The following OPCML variants were observed in gnomAD, a reference collection of about 807,000 sequenced individuals.
OPCML encodes opioid binding protein/cell adhesion molecule like.
A neutral mutation model predicts 37.8 loss-of-function variants in OPCML; 13 were observed. That is an observed-to-expected ratio of 0.34 (90% CI 0.22 to 0.55). The LOEUF (loss-of-function observed/expected upper bound fraction) is 0.55. OPCML is among the 20% of genes least tolerant of loss of function. The probability of loss-of-function intolerance (pLI) is 0.91; values close to 1 mark genes in which losing one functional copy is unlikely to be tolerated. For missense variants in OPCML, 341 were observed against 435.6 expected, an observed-to-expected ratio of 0.78 and a Z score of 1.93; for synonymous variants, 176 against 168.8, an observed-to-expected ratio of 1.04 and a Z score of -0.33.
At chr11:133,252,718 CT>C (rs948769806) in intron 1 of OPCML, among the ~76,000 whole-genome samples, 1 of 151,998 alleles carries the variant, frequency 6.6e-6, no homozygotes, top group Non-Finnish European at 1.5e-5. Flanking sequence ...GCCACTCGGG[CT>C]TTTTTTTCTT....
At position 133,044,205 on chromosome 11, in the gene OPCML, G is replaced by T. The variant is rs541147328; in HGVS notation, c.62-101195C>A. Among the ~76,000 whole-genome samples the T allele has an allele frequency of 9.8e-5, 15 of 152,298 alleles. No homozygotes were observed. In the South Asian group the frequency reaches 3.1e-3, roughly 32 times the overall value. Reference sequence around the variant, plus strand: ...TGTGTGCACATGTGGGTGTGGATGGGTGTGCATGGGTGCATATCCACGTGC... The same window carrying T: ...TGTGTGCACATGTGGGTGTGGATGGTTGTGCATGGGTGCATATCCACGTGC... On this transcript the variant is annotated intron_variant, in intron 1 of 7. Coordinates refer to ENST00000524381, the MANE Select transcript of OPCML (RefSeq NM_001012393.5).
At chr11:132,972,667 C>T (rs1170624259) in intron 1 of OPCML, among the ~76,000 whole-genome samples, 1 of 152,198 alleles carries the variant, frequency 6.6e-6, no homozygotes, top group African/African-American at 2.4e-5. Context: ...TCCCTCTACC[C>T]TCTTTCAGAC....
Position 133,352,837 on chromosome 11 carries a change from G to A in OPCML, c.61+179427C>T, listed in dbSNP as rs568061965. ...ACTTAACACTGAAGCATTAGACTTG[G>A]AATCAGCAGGAATAGGTTCAAATCA... On this transcript the variant is annotated intron_variant, in intron 1 of 7. Transcript: ENST00000524381. 4.6e-5 allele frequency among the ~76,000 whole-genome samples: 7 copies of A among 152,256 alleles called. No individual in the cohort carries two copies. In the South Asian group the frequency reaches 1.2e-3, roughly 27 times the overall value.
chr11:133,437,033 G>A (rs1350212225), intron 1 of OPCML, among the ~76,000 whole-genome samples: 1 of 152,192 alleles, frequency 6.6e-6, no homozygotes, highest in Non-Finnish European at 1.5e-5. Context: ...ATGAACCACA[G>A]AAGCACCTGC....
chr11:132,882,138 A>G (rs1041598186), intron 2 of OPCML, among the ~76,000 whole-genome samples: 28 of 152,188 alleles, frequency 1.8e-4, no homozygotes, highest in Non-Finnish European at 3.8e-4. Context: ...GGAGGGTAAG[A>G]AAAAGAAACA....
chr11:133,447,320 T>C (rs192244461), intron 1 of OPCML, among the ~76,000 whole-genome samples: 111 of 152,364 alleles, frequency 7.3e-4, no homozygotes, highest in African/African-American at 2.5e-3. Flanking sequence ...CATTCAAATA[T>C]GTTCTTTGAA....
chr11:133,444,021 T>A (rs376918762), intron 1 of OPCML, among the ~76,000 whole-genome samples: 38 of 152,200 alleles, frequency 2.5e-4, no homozygotes, highest in African/African-American at 8.4e-4. Context: ...TGCCTGAGAC[T>A]CGGAAGATCA....
At chr11:132,677,268 G>A (rs956356856) in intron 2 of OPCML, among the ~76,000 whole-genome samples, 15 of 152,004 alleles carry the variant, frequency 9.9e-5, no homozygotes, top group African/African-American at 3.6e-4. Context: ...AAATGAAGAG[G>A]TGTTCCATGT....
intron 2 of OPCML, among the ~76,000 whole-genome samples, chr11:132,923,140 T>C (rs1215300231): frequency 6.6e-6 from 1 of 152,002 alleles, no homozygotes; most frequent in Non-Finnish European, 1.5e-5. Flanking sequence ...CAAGATTATG[T>C]TACAGTTAAC....
intron 4 of OPCML, among the ~76,000 whole-genome samples, chr11:132,471,789 C>T (rs207472548): frequency 3.9e-5 from 6 of 152,264 alleles, no homozygotes; most frequent in Middle Eastern, 3.4e-3. Flanking sequence ...TAAGGATAGC[C>T]ACGGACCTAG....
chr11:132,878,185 A>AC (rs1022440283), intron 2 of OPCML, among the ~76,000 whole-genome samples: 6 of 151,876 alleles, frequency 4.0e-5, no homozygotes, highest in African/African-American at 1.5e-4. Flanking sequence ...CCATCTCAAA[A>AC]AAAAAAAAAT....
At chr11:133,000,365 G>T (rs534646919) in intron 1 of OPCML, among the ~76,000 whole-genome samples, 5 of 152,084 alleles carry the variant, frequency 3.3e-5, no homozygotes, top group African/African-American at 1.2e-4. Flanking sequence ...AGCCTGCCTC[G>T]GCCTCTCAAA....
intron 1 of OPCML, among the ~76,000 whole-genome samples, chr11:133,089,305 C>T (rs1482834381): frequency 1.3e-5 from 2 of 152,186 alleles, no homozygotes; most frequent in Non-Finnish European, 2.9e-5. Context: ...AATGAATACA[C>T]TTTAACAACA....
chr11:133,304,385 T>C (rs1271551776), intron 1 of OPCML, among the ~76,000 whole-genome samples: 1 of 152,152 alleles, frequency 6.6e-6, no homozygotes, highest in Non-Finnish European at 1.5e-5. Flanking sequence ...CAGAATAAAC[T>C]TAGTAAACAG....
chr11:133,467,285 G>A (rs980995828), intron 1 of OPCML, among the ~76,000 whole-genome samples: 1 of 152,106 alleles, frequency 6.6e-6, no homozygotes, highest in African/African-American at 2.4e-5. Flanking sequence ...AACAGGATTC[G>A]ATATGGATGG....
At chr11:133,421,742 T>C in intron 1 of OPCML, 2 of 985,398 alleles carry the variant, frequency 2.0e-6, no homozygotes, top group Non-Finnish European at 2.4e-6. Flanking sequence ...GCAAACAAAC[T>C]GTGGCAATGA....
chr11:133,425,046 T>G (rs1471780784), intron 1 of OPCML, among the ~76,000 whole-genome samples: 1 of 152,208 alleles, frequency 6.6e-6, no homozygotes, highest in Non-Finnish European at 1.5e-5. Flanking sequence ...TCATTGACTT[T>G]CCACATCTCT....
At chr11:133,152,335 G>T (rs1428321402) in intron 1 of OPCML, among the ~76,000 whole-genome samples, 1 of 152,162 alleles carries the variant, frequency 6.6e-6, no homozygotes, top group Non-Finnish European at 1.5e-5. Context: ...AAACTCCATT[G>T]TTATCTGGAG....
At chr11:132,971,402 T>C (rs1946340411) in intron 1 of OPCML, among the ~76,000 whole-genome samples, 1 of 152,188 alleles carries the variant, frequency 6.6e-6, no homozygotes. Context: ...CATGACTTTA[T>C]CAGGGACATG....
Sources: gnomAD v4.1 joint callset for allele counts (sites outside exome capture counted in the v4.1 genomes callset) on GRCh38, gnomAD v4.1.1 for gene constraint, MANE v1.5 for transcripts, NCBI Gene and HGNC (gene_info 2026-07-23, HGNC 2026-07-21) for gene names.